Variants in DHH observed in about 807,000 individuals in gnomAD.
The protein encoded by DHH is desert hedgehog signaling molecule.
DHH carries 16 observed loss-of-function variants against 27.6 expected under a neutral mutation model. The ratio of observed to expected loss-of-function variants is 0.58; its 90% CI spans 0.39 to 0.88. The LOEUF (loss-of-function observed/expected upper bound fraction) is 0.88. Among genes scored for constraint, DHH ranks in the 40% least tolerant of loss-of-function variants. The pLI, the probability that DHH is intolerant of heterozygous loss-of-function variation, is 0.00. For synonymous variants in DHH, 289 were observed against 263.4 expected, an observed-to-expected ratio of 1.10 and a Z score of -0.94; for missense variants, 436 against 563.1, an observed-to-expected ratio of 0.77 and a Z score of 2.28.
rs112818602 is a variant in DHH at position 49,094,530 on chromosome 12, G to A, written c.-18C>T. Reference sequence around the variant, plus strand: ...AGAGCCATGGATACAGCGGACCTCGGCCAAAAGGGAGCGTTCTTGTCCTCA... The same window carrying A: ...AGAGCCATGGATACAGCGGACCTCGACCAAAAGGGAGCGTTCTTGTCCTCA... On this transcript the variant is annotated 5_prime_UTR_variant, in exon 1 of 3. Transcript: ENST00000649637. 1.7e-3 allele frequency: 2,614 copies of A among 1,550,674 alleles called. 43 individuals are homozygous for A. In the African/African-American group the frequency reaches 0.031, roughly 19 times the overall value.
chr12:49,091,959 G>T lies in DHH; in HGVS notation c.304-570C>A, dbSNP rs1209509201. The stretch of plus-strand genomic sequence containing the variant: ...CCAAGAGGAGCTGTGCGGGATCAAG[G>T]CTGCTGGAAAAAGGATTGGGGTGGC... On this transcript the variant is annotated intron_variant, in intron 1 of 2. Coordinates refer to ENST00000649637, the MANE Select transcript of DHH (RefSeq NM_021044.4). The surrounding 1 kb of genome is among the most constrained non-coding windows in gnomAD (Gnocchi z 4.8). Among the ~76,000 whole-genome samples the T allele has an allele frequency of 6.6e-6, 1 of 152,186 alleles. No homozygotes were observed. Among genetic ancestry groups the T allele is most frequent in the Non-Finnish European group, 1.5e-5 (1 of 68,028 alleles).
Position 49,094,344 on chromosome 12 carries a change from G to C in DHH, c.169C>G (p.Leu57Val), listed in dbSNP as rs1265330643. ...QFVPGVPERT[L>V]GASGPAEGRV... is the part of the protein sequence containing the mutation. ...CCCTCCGCTGGCCCACTGGCGCCCAGGGTCCGCTCTGGCACGCCGGGCACA... is the reference window on the plus strand; with the variant it reads ...CCCTCCGCTGGCCCACTGGCGCCCACGGTCCGCTCTGGCACGCCGGGCACA... Residue 57 changes from leucine to valine, a missense_variant, in exon 1 of 3, where the codon CTG becomes GTG. Coordinates refer to ENST00000649637, the MANE Select transcript of DHH (RefSeq NM_021044.4). The C allele has an allele frequency of 1.3e-5, 21 of 1,613,142 alleles. No individual in the cohort carries two copies. Among genetic ancestry groups the C allele is most frequent in the Non-Finnish European group, 1.8e-5 (21 of 1,179,912 alleles).
Position 49,091,354 on chromosome 12 carries a change from G to T in DHH, c.339C>A (p.Ala113=). Residue 113 remains alanine (A), a synonymous_variant, in exon 2 of 3, where the codon GCC becomes GCA. Transcript: ENST00000649637. This position sits in a 1 kb window ranked among gnomAD's most constrained non-coding sequence, Gnocchi z 4.8. The part of the protein sequence containing the change: ...CKERVNALAI[A]VMNMWPGVRL... The stretch of plus-strand genomic sequence containing the variant: ...GCACTCCGGGCCACATGTTCATCAC[G>T]GCAATGGCCAAAGCGTTCACCCGCT... 1 of 1,614,192 alleles carries T rather than the reference G, an allele frequency of 6.2e-7. No individual in the cohort carries two copies. Among genetic ancestry groups the T allele is most frequent in the Non-Finnish European group, 8.5e-7 (1 of 1,180,038 alleles).
Position 49,089,561 on chromosome 12 carries a change from A to C in DHH, c.*298T>G. On this transcript the variant is annotated 3_prime_UTR_variant, in exon 3 of 3. Transcript: ENST00000649637. ...CCTTGGCAAGCTGGGCAAGGGAATC[A>C]TTATATTACAATTTATAAATAAGAA... 3.5e-6 allele frequency: 1 copy of C among 282,242 alleles called. No individual in the cohort carries two copies. The highest frequency in any genetic ancestry group is 6.5e-6 in the Non-Finnish European group (1 of 153,342). The allele number at this position is 282,242 out of a possible 1,614,324, so 17.5% of individuals were successfully genotyped here.
At position 49,090,216 on chromosome 12, in the gene DHH, C is replaced by A. The variant is rs1429273851; in HGVS notation, c.834G>T (p.Gly278=). ...CAAAGTCGCCTGGCGCGGGCGCCGGCCCTCGAGCGGCAAACACCAGGTGCC... is the reference window on the plus strand; with the variant it reads ...CAAAGTCGCCTGGCGCGGGCGCCGGACCTCGAGCGGCAAACACCAGGTGCC... ...TPWHLVFAAR[G]PAPAPGDFAP... The change falls in exon 3 of 3, where the codon GGG becomes GGT. Residue 278 remains glycine, a synonymous_variant. Coordinates refer to ENST00000649637, the MANE Select transcript of DHH (RefSeq NM_021044.4). This position sits in a 1 kb window ranked among gnomAD's most constrained non-coding sequence, Gnocchi z 5.2. 1.9e-6 allele frequency: 3 copies of A among 1,554,100 alleles called. No homozygotes were observed. Among genetic ancestry groups the A allele is most frequent in the East Asian group, 2.4e-5 (1 of 41,358 alleles).
At chr12:49,094,004 C>G (rs1939349584) in intron 1 of DHH, among the ~76,000 whole-genome samples, 1 of 152,210 alleles carries the variant, frequency 6.6e-6, no homozygotes, top group Non-Finnish European at 1.5e-5. Flanking sequence ...CTCCTCCCCT[C>G]CCCATCCCAG....
At position 49,094,491 on chromosome 12, in the gene DHH, G is replaced by A; in HGVS notation, c.22C>T (p.Leu8=). The stretch of plus-strand genomic sequence containing the variant: ...AGAAGTGCCAAGCAGCACAGGGGCA[G>A]TAGATTGGTCAGGAGAGCCATGGAT... MALLTNL[L]PLCCLALLAL... The change falls in exon 1 of 3, where the codon CTG becomes TTG. Residue 8 remains leucine (L), a synonymous_variant. Coordinates refer to ENST00000649637, the MANE Select transcript of DHH (RefSeq NM_021044.4). 6.4e-7 allele frequency: 1 copy of A among 1,563,388 alleles called. No individual in the cohort carries two copies. Among genetic ancestry groups the A allele is most frequent in the Non-Finnish European group, 8.7e-7 (1 of 1,154,286 alleles).
chr12:49,090,063 G>C lies in DHH; in HGVS notation c.987C>G (p.Thr329=), dbSNP rs772094316. The C allele has an allele frequency of 1.3e-6, 2 of 1,539,552 alleles. No homozygotes were observed. The highest frequency in any genetic ancestry group is 8.7e-7 in the Non-Finnish European group (1 of 1,143,838). ...CGTTCACCAGCAGCGTCCCGTGCGC[G>C]GTGAGCGGCGCGAACACGCCCACGG... ...EEAVGVFAPL[T]AHGTLLVNDV... The change falls in exon 3 of 3, where the codon ACC becomes ACG. Residue 329 remains threonine, a synonymous_variant. Transcript: ENST00000649637. This position sits in a 1 kb window ranked among gnomAD's most constrained non-coding sequence, Gnocchi z 5.2.
chr12:49,090,581 A>G lies in DHH; in HGVS notation c.566-97T>C. The G allele has an allele frequency of 6.6e-7, 1 of 1,506,700 alleles. No individual in the cohort carries two copies. The highest frequency in any genetic ancestry group is 8.9e-7 in the Non-Finnish European group (1 of 1,118,166). The allele number at this position is 1,506,700 out of a possible 1,614,324, so 93.3% of individuals were successfully genotyped here. A position where few individuals can be genotyped will look rare whatever the true frequency, so the allele number is the denominator to read the frequency against. On this transcript the variant is annotated intron_variant, in intron 2 of 2. Transcript: ENST00000649637. The surrounding 1 kb of genome is among the most constrained non-coding windows in gnomAD (Gnocchi z 5.2). Reference sequence around the variant, plus strand: ...GATATCGCCAGTCATGGACAACACAATTTTCCGTTAATCTGACTGGCCCCA... The same window carrying G: ...GATATCGCCAGTCATGGACAACACAGTTTTCCGTTAATCTGACTGGCCCCA...
chr12:49,091,034 G>C lies in DHH; in HGVS notation c.565+94C>G. ...TGGTTTTCAACACTAAAGCCCGCTT[G>C]GTCTCCCCTAGGGTGGCAACAGTAC... On this transcript the variant is annotated intron_variant, in intron 2 of 2. Coordinates refer to ENST00000649637, the MANE Select transcript of DHH (RefSeq NM_021044.4). The surrounding 1 kb of genome is among the most constrained non-coding windows in gnomAD (Gnocchi z 4.8). 6.3e-7 allele frequency: 1 copy of C among 1,590,966 alleles called. No homozygotes were observed. Among genetic ancestry groups the C allele is most frequent in the Middle Eastern group, 1.7e-4 (1 of 5,846 alleles).
intron 1 of DHH, 130 bp downstream of exon 1, chr12:49,094,080 G>A: frequency 9.4e-7 from 1 of 1,065,166 alleles, no homozygotes; most frequent in African/African-American, 1.6e-5. Flanking sequence ...CCCCCCCTGG[G>A]GCTGGTGACA....
Position 49,091,145 on chromosome 12 carries a change from T to C in DHH, c.548A>G (p.His183Arg), listed in dbSNP as rs1345730264. 1 of 1,614,112 alleles carries C rather than the reference T, an allele frequency of 6.2e-7. No homozygotes were observed. Among genetic ancestry groups the C allele is most frequent in the African/African-American group, 1.3e-5 (1 of 74,946 alleles). ...TACTGTACCAGCTTTGACCGACACG[T>C]GGACGTGGTTGCGGGACTCGTAGTA... ...WVYYESRNHVHVSVKADNSLA... is the reference protein window; with the variant it reads ...WVYYESRNHVRVSVKADNSLA... The change falls in exon 2 of 3, where the codon CAC (histidine) becomes CGC (arginine). Residue 183 changes from histidine to arginine, a missense_variant. His to Arg is a conservative substitution (Grantham distance 29). Transcript: ENST00000649637. The surrounding 1 kb of genome is among the most constrained non-coding windows in gnomAD (Gnocchi z 4.8).
rs1388978405 is a variant in DHH at position 49,089,748 on chromosome 12, C to G, written c.*111G>C. ...AGGCATAGCCCCATTTTCTCCCTCC[C>G]CCTCCCTCTCCCTCCCTTCCAGTCG... On this transcript the variant is annotated 3_prime_UTR_variant, in exon 3 of 3. Coordinates refer to ENST00000649637, the MANE Select transcript of DHH (RefSeq NM_021044.4). 4 of 1,375,914 alleles carry G rather than the reference C, an allele frequency of 2.9e-6. No individual in the cohort carries two copies. Among genetic ancestry groups the G allele is most frequent in the African/African-American group, 1.5e-5 (1 of 67,426 alleles). The allele number at this position is 1,375,914 out of a possible 1,614,324, so 85.2% of individuals were successfully genotyped here. A position where few individuals can be genotyped will look rare whatever the true frequency, so the allele number is the denominator to read the frequency against.
In DHH at chr12:49,088,399, A is replaced by C. The variant is rs957470124; in HGVS notation, c.*1460T>G. 2.0e-5 allele frequency among the ~76,000 whole-genome samples: 3 copies of C among 152,160 alleles called. No individual in the cohort carries two copies. The highest frequency in any genetic ancestry group is 4.8e-5 in the African/African-American group (2 of 41,430). On this transcript the variant is annotated 3_prime_UTR_variant, in exon 3 of 3. Coordinates refer to ENST00000649637, the MANE Select transcript of DHH (RefSeq NM_021044.4). ...CGCTTGCCTTCCGTTTCAGAGAACC[A>C]TATGCATAGGCCTAGAATTCTCTTG... is the stretch of plus-strand genomic sequence containing the variant.
rs183750661 is a variant in DHH at position 49,091,226 on chromosome 12, C to G, written c.467G>C (p.Arg156Pro). The change falls in exon 2 of 3, where the codon CGC becomes CCC. Residue 156 changes from arginine to proline, a missense_variant. By Grantham distance (103) the Arg-to-Pro change is moderately radical (BLOSUM62 -2). Transcript: ENST00000649637. The surrounding 1 kb of genome is among the most constrained non-coding windows in gnomAD (Gnocchi z 4.8). ...ALDITTSDRD[R>P]NKYGLLARLA... ...GCGCGCCAGCAACCCATACTTGTTGCGGTCGCGGTCAGACGTAGTGATGTC... is the reference window on the plus strand; with the variant it reads ...GCGCGCCAGCAACCCATACTTGTTGGGGTCGCGGTCAGACGTAGTGATGTC... 9 of 1,614,236 alleles carry G rather than the reference C, an allele frequency of 5.6e-6. No individual in the cohort carries two copies. Among genetic ancestry groups the G allele is most frequent in the Non-Finnish European group, 7.6e-6 (9 of 1,180,038 alleles).
At position 49,090,365 on chromosome 12, in the gene DHH, C is replaced by A; in HGVS notation, c.685G>T (p.Asp229Tyr). ...GTGGGCACCACCCGGCCTGACGCATCGGCCGCCAAAACCCAGTCTCCGCGG... is the reference window on the plus strand; with the variant it reads ...GTGGGCACCACCCGGCCTGACGCATAGGCCGCCAAAACCCAGTCTCCGCGG... The part of the protein sequence containing the change: ...LHRGDWVLAA[D>Y]ASGRVVPTPV... The change falls in exon 3 of 3, where the codon GAT becomes TAT. Residue 229 changes from aspartate to tyrosine, a missense_variant. By Grantham distance (160) the Asp-to-Tyr change is radical. Transcript: ENST00000649637. This position sits in a 1 kb window ranked among gnomAD's most constrained non-coding sequence, Gnocchi z 5.2. 6.2e-7 allele frequency: 1 copy of A among 1,609,130 alleles called. No homozygotes were observed. Among genetic ancestry groups the A allele is most frequent in the Non-Finnish European group, 8.5e-7 (1 of 1,178,444 alleles).
rs990245573 is a variant in DHH at position 49,089,794 on chromosome 12, C to A, written c.*65G>T. On this transcript the variant is annotated 3_prime_UTR_variant, in exon 3 of 3. Coordinates refer to ENST00000649637, the MANE Select transcript of DHH (RefSeq NM_021044.4). Reference sequence around the variant, plus strand: ...AGTCGGCATCGTCTGCTGCCCACAGCCCCATATCTCAGCCAGCAGGCCCTC... The same window carrying A: ...AGTCGGCATCGTCTGCTGCCCACAGACCCATATCTCAGCCAGCAGGCCCTC... 1.4e-6 allele frequency: 2 copies of A among 1,461,118 alleles called. No homozygotes were observed. Among genetic ancestry groups the A allele is most frequent in the Non-Finnish European group, 1.8e-6 (2 of 1,102,506 alleles). 90.5% of individuals were successfully genotyped at this position (1,461,118 alleles called of 1,614,324 possible).
chr12:49,087,607 G>T lies in DHH; in HGVS notation c.*2252C>A, dbSNP rs895239627. On this transcript the variant is annotated 3_prime_UTR_variant, in exon 3 of 3. Coordinates refer to ENST00000649637, the MANE Select transcript of DHH (RefSeq NM_021044.4). ...AGTCCCAGCTACTTGAGAGGCTGAGGTGGGAGGATTGCTTGAGCCCAGGAG... is the reference window on the plus strand; with the variant it reads ...AGTCCCAGCTACTTGAGAGGCTGAGTTGGGAGGATTGCTTGAGCCCAGGAG... 2.0e-5 allele frequency among the ~76,000 whole-genome samples: 3 copies of T among 152,186 alleles called. No homozygotes were observed. Among genetic ancestry groups the T allele is most frequent in the African/African-American group, 4.8e-5 (2 of 41,448 alleles).
At position 49,088,331 on chromosome 12, in the gene DHH, G is replaced by A. The variant is rs1004662404; in HGVS notation, c.*1528C>T. Among the ~76,000 whole-genome samples the A allele has an allele frequency of 1.3e-5, 2 of 152,112 alleles. No homozygotes were observed. Among genetic ancestry groups the A allele is most frequent in the African/African-American group, 4.8e-5 (2 of 41,402 alleles). Reference sequence around the variant, plus strand: ...CCATCATCTCTCCCTCCTGGGAGCGGGCTCCTTTGCGCAGGTCCAGTACAC... The same window carrying A: ...CCATCATCTCTCCCTCCTGGGAGCGAGCTCCTTTGCGCAGGTCCAGTACAC... On this transcript the variant is annotated 3_prime_UTR_variant, in exon 3 of 3. Transcript: ENST00000649637.
Sources: allele counts gnomAD v4.1 joint callset (sites outside exome capture counted in the v4.1 genomes callset), GRCh38; gene constraint gnomAD v4.1.1; non-coding constraint Gnocchi (gnomAD v3.1); transcripts MANE v1.5; gene names NCBI Gene and HGNC (gene_info 2026-07-23, HGNC 2026-07-21).